Variants in PAPPA2 observed in about 807,000 individuals in gnomAD.
The protein encoded by PAPPA2 is pappalysin-2.
Under a neutral mutation model 176.4 loss-of-function variants are expected in PAPPA2, and 86 were observed. The ratio of observed to expected loss-of-function variants is 0.49; its 90% CI spans 0.41 to 0.58. The LOEUF is 0.58. Ranked by LOEUF, PAPPA2 falls within the 20% of genes least tolerant of loss-of-function variation. The probability of loss-of-function intolerance (pLI) is 0.00; values close to 1 mark genes in which losing one functional copy is unlikely to be tolerated. For synonymous variants in PAPPA2, 809 were observed against 852.2 expected (o/e 0.95, Z 0.88); for missense variants, 2,073 against 2,256.9 (o/e 0.92, Z 1.65).
At chr1:176,807,362 A>G (rs1665948434) in intron 21 of PAPPA2, among the ~76,000 whole-genome samples, 1 of 152,116 alleles carries the variant, frequency 6.6e-6, no homozygotes, top group South Asian at 2.1e-4. Flanking sequence ...TATATCACCT[A>G]CCTAAGTATT....
At chr1:176,481,927 G>A (rs1315491330) in intron 1 of PAPPA2, among the ~76,000 whole-genome samples, 2 of 151,856 alleles carry the variant, frequency 1.3e-5, no homozygotes. Context: ...GGCCAGGCTG[G>A]TCTCCAACTC....
At chr1:176,581,922 C>CTTTTTTTTTTT (rs538920194) in intron 2 of PAPPA2, among the ~76,000 whole-genome samples, 11 of 80,996 alleles carry the variant, frequency 1.4e-4, no homozygotes, top group African/African-American at 2.3e-4. Context: ...TTCTTTCTTT[C>CTTTTTTTTTTT]TTTTTTTTTT....
At chr1:176,712,867 T>G (rs1485713431) in intron 12 of PAPPA2, among the ~76,000 whole-genome samples, 1 of 152,190 alleles carries the variant, frequency 6.6e-6, no homozygotes, top group Non-Finnish European at 1.5e-5. Context: ...TAATGTTTTG[T>G]TGTATATGTA....
At chr1:176,767,450 C>T (rs965966419) in intron 15 of PAPPA2, among the ~76,000 whole-genome samples, 10 of 152,246 alleles carry the variant, frequency 6.6e-5, no homozygotes, top group South Asian at 6.2e-4. Context: ...CGGGTTCAAG[C>T]GATTCTCCTG....
At chr1:176,584,759 G>T (rs1340623680) in intron 2 of PAPPA2, among the ~76,000 whole-genome samples, 6 of 151,636 alleles carry the variant, frequency 4.0e-5, no homozygotes, top group African/African-American at 1.5e-4. Flanking sequence ...TTTTGAGATG[G>T]TGTCTTGCTC....
chr1:176,827,067 A>G (rs1269402922), intron 21 of PAPPA2, among the ~76,000 whole-genome samples: 2 of 152,196 alleles, frequency 1.3e-5, no homozygotes, highest in East Asian at 3.8e-4. Context: ...ATGACCTTTC[A>G]AGTGGTCCTG....
intron 14 of PAPPA2, among the ~76,000 whole-genome samples, chr1:176,746,267 G>A (rs1439713573): frequency 1.3e-5 from 2 of 152,216 alleles, no homozygotes; most frequent in Non-Finnish European, 2.9e-5. Flanking sequence ...AATGAAGGGT[G>A]GATTTGGAAC....
At position 176,463,427 on chromosome 1, in the gene PAPPA2, T is replaced by C. The variant is rs929616502; in HGVS notation, c.-917+9T>C. ...AAGGAGCAAAACACTTGGTATGTATTGGGGGTGTCACTACTATTACCATAG... is the reference window on the plus strand; with the variant it reads ...AAGGAGCAAAACACTTGGTATGTATCGGGGGTGTCACTACTATTACCATAG... On this transcript the variant is annotated intron_variant, in intron 1 of 22. Coordinates refer to ENST00000367662, the MANE Select transcript of PAPPA2 (RefSeq NM_020318.3). 1 of 152,238 alleles carries C rather than the reference T, an allele frequency of 6.6e-6. No homozygotes were observed. The highest frequency in any genetic ancestry group is 2.4e-5 in the African/African-American group (1 of 41,474). 9.4% of individuals were successfully genotyped at this position (152,238 alleles called of 1,614,324 possible).
chr1:176,624,440 A>G (rs1655893145), intron 3 of PAPPA2, among the ~76,000 whole-genome samples: 2 of 152,226 alleles, frequency 1.3e-5, no homozygotes, highest in Admixed American at 6.5e-5. Flanking sequence ...GGTCAGCGAT[A>G]GCATCATTGT....
intron 14 of PAPPA2, among the ~76,000 whole-genome samples, chr1:176,750,622 A>G (rs2102886696): frequency 6.6e-6 from 1 of 152,268 alleles, no homozygotes; most frequent in Admixed American, 6.5e-5. Flanking sequence ...AAAACAAAAC[A>G]AAGTGACAAC....
At chr1:176,590,308 T>G (rs2102643378) in intron 2 of PAPPA2, among the ~76,000 whole-genome samples, 1 of 152,332 alleles carries the variant, frequency 6.6e-6, no homozygotes, top group East Asian at 1.9e-4. Context: ...TACCCATCTC[T>G]TCCCAAACCC....
chr1:176,797,635 T>C (rs1665504788), intron 20 of PAPPA2, among the ~76,000 whole-genome samples: 1 of 151,760 alleles, frequency 6.6e-6, no homozygotes, highest in Non-Finnish European at 1.5e-5. Flanking sequence ...TGACTGAGAC[T>C]GTCTCAAAAA....
chr1:176,498,751 C>CA lies in PAPPA2; in HGVS notation c.-917+35348dup, dbSNP rs1553352050. Among the ~76,000 whole-genome samples the CA allele has an allele frequency of 2.6e-3, 294 of 112,032 alleles. 1 individual carries two copies. Among genetic ancestry groups the CA allele is most frequent in the Middle Eastern group, 0.025 (5 of 204 alleles). 73.5% of individuals were successfully genotyped at this position (112,032 alleles called of 152,430 possible). A position where few individuals can be genotyped will look rare whatever the true frequency, so the allele number is the denominator to read the frequency against. On this transcript the variant is annotated intron_variant, in intron 1 of 22. Coordinates refer to ENST00000367662, the MANE Select transcript of PAPPA2 (RefSeq NM_020318.3). Reference sequence around the variant, plus strand: ...GGCGACAGAGCGAGACTCTTACCTCCAAAAAAAAAAAAAAAGAAGAAGAAA... The same window carrying CA: ...GGCGACAGAGCGAGACTCTTACCTCCAAAAAAAAAAAAAAAAGAAGAAGAAA...
chr1:176,594,474 C>T, intron 2 of PAPPA2, 50 bp from the exon 3 acceptor site: 1 of 1,472,672 alleles, frequency 6.8e-7, no homozygotes, highest in African/African-American at 1.4e-5. Context: ...TCTCCATTCC[C>T]CTTTGTATCT....
chr1:176,803,867 C>A (rs1244362746), intron 21 of PAPPA2, among the ~76,000 whole-genome samples: 1 of 152,166 alleles, frequency 6.6e-6, no homozygotes, highest in Admixed American at 6.5e-5. Flanking sequence ...TTTGTGCACA[C>A]TCTACTCCAG....
At chr1:176,807,853 C>T (rs1405191201) in intron 21 of PAPPA2, among the ~76,000 whole-genome samples, 1 of 152,130 alleles carries the variant, frequency 6.6e-6, no homozygotes, top group African/African-American at 2.4e-5. Flanking sequence ...AGTACAGACC[C>T]TAAATTTATA....
At chr1:176,508,031 G>A (rs1054957284) in intron 1 of PAPPA2, among the ~76,000 whole-genome samples, 2 of 152,126 alleles carry the variant, frequency 1.3e-5, no homozygotes, top group African/African-American at 4.8e-5. Context: ...CCTCAGAGAA[G>A]TCATGCCTTC....
chr1:176,739,803 C>G, intron 13 of PAPPA2, 42 bp downstream of exon 13: 3 of 1,605,022 alleles, frequency 1.9e-6, no homozygotes, highest in South Asian at 1.1e-5. Context: ...TAGAGGACAA[C>G]CCGGTAGACC....
At chr1:176,749,990 A>G (rs181410026) in intron 14 of PAPPA2, among the ~76,000 whole-genome samples, 3 of 152,340 alleles carry the variant, frequency 2.0e-5, no homozygotes, top group Non-Finnish European at 1.5e-5. Flanking sequence ...TTGAATAAAT[A>G]CCAAGGAATG....
Sources: gnomAD v4.1 joint callset for allele counts (sites outside exome capture counted in the v4.1 genomes callset) on GRCh38, gnomAD v4.1.1 for gene constraint, MANE v1.5 for transcripts, NCBI Gene and HGNC (gene_info 2026-07-23, HGNC 2026-07-21) for gene names.